Variants in APBA2 observed in about 807,000 individuals in gnomAD.
APBA2 encodes the protein amyloid beta precursor protein binding family A member 2.
A neutral mutation model predicts 75.0 loss-of-function variants in APBA2; 30 were observed. The ratio of observed to expected loss-of-function variants is 0.40; its 90% CI spans 0.30 to 0.54. The LOEUF (loss-of-function observed/expected upper bound fraction) is 0.54. APBA2 is among the 20% of genes least tolerant of loss of function. APBA2 has a pLI of 0.49. For missense variants in APBA2, 801 were observed against 1,016.1 expected, an observed-to-expected ratio of 0.79 and a Z score of 2.88; for synonymous variants, 444 against 409.6, an observed-to-expected ratio of 1.08 and a Z score of -1.01.
At chr15:28,927,187 C>T (rs1200386125) in intron 2 of APBA2, among the ~76,000 whole-genome samples, 2 of 151,948 alleles carry the variant, frequency 1.3e-5, no homozygotes, top group African/African-American at 2.4e-5. Context: ...TTACTGGTTT[C>T]TGATGAGAAG....
intron 1 of APBA2, among the ~76,000 whole-genome samples, chr15:28,896,955 G>A (rs1405819107): frequency 6.6e-6 from 1 of 152,046 alleles, no homozygotes; most frequent in Non-Finnish European, 1.5e-5. Flanking sequence ...TTCCAGGCTG[G>A]CATAGGCTTA....
chr15:28,891,963 A>G (rs140330013), intron 1 of APBA2, among the ~76,000 whole-genome samples: 150 of 152,326 alleles, frequency 9.8e-4, no homozygotes, highest in African/African-American at 3.4e-3. Flanking sequence ...TAAGTGTACA[A>G]TATTTATAAA....
intron 3 of APBA2, among the ~76,000 whole-genome samples, chr15:29,049,648 A>C (rs900947968): frequency 6.6e-6 from 1 of 152,216 alleles, no homozygotes; most frequent in Non-Finnish European, 1.5e-5. Flanking sequence ...GACTGCCTCC[A>C]GCTCACCATA....
At chr15:29,027,816 T>G (rs2040297672) in intron 3 of APBA2, among the ~76,000 whole-genome samples, 1 of 152,120 alleles carries the variant, frequency 6.6e-6, no homozygotes, top group African/African-American at 2.4e-5. Context: ...TTAGCCAGGA[T>G]GGTCTCGATC....
rs147360974 is a variant in APBA2, at chr15:28,955,799, C to T, written c.-95+34050C>T. ...GGGCCTTGGTGGGTTCCCTGAGGGT[C>T]GGGCCAAGGCCTTGGGCCAGGGAGC... On this transcript the variant is annotated intron_variant, in intron 2 of 14. Coordinates refer to ENST00000683413, the MANE Select transcript of APBA2 (RefSeq NM_001353788.2). Among the ~76,000 whole-genome samples, 756 of 152,310 alleles carry T rather than the reference C, an allele frequency of 5.0e-3. 9 individuals carry two copies. The highest frequency in any genetic ancestry group is 0.017 in the African/African-American group (687 of 41,568).
chr15:29,036,992 C>T (rs1270899674), intron 3 of APBA2, among the ~76,000 whole-genome samples: 1 of 151,346 alleles, frequency 6.6e-6, no homozygotes, highest in East Asian at 1.9e-4. Context: ...TCCACTCCAG[C>T]CTGGATAACA....
intron 3 of APBA2, among the ~76,000 whole-genome samples, chr15:29,013,984 C>T (rs983098852): frequency 2.6e-5 from 4 of 152,222 alleles, no homozygotes; most frequent in Non-Finnish European, 4.4e-5. Flanking sequence ...TTTACTGCTG[C>T]CATCCCTGAA....
At chr15:29,091,780 G>T (rs1047720532) in intron 6 of APBA2, among the ~76,000 whole-genome samples, 1 of 152,180 alleles carries the variant, frequency 6.6e-6, no homozygotes, top group African/African-American at 2.4e-5. Flanking sequence ...TGGGTTAGAG[G>T]TGAGACCAGG....
intron 2 of APBA2, among the ~76,000 whole-genome samples, chr15:28,974,604 A>G (rs2037238186): frequency 6.6e-6 from 1 of 152,254 alleles, no homozygotes; most frequent in African/African-American, 2.4e-5. Context: ...TCACAATGCA[A>G]TAAAACTAAA....
chr15:29,072,744 C>T (rs1048881897), intron 4 of APBA2, among the ~76,000 whole-genome samples: 2 of 152,088 alleles, frequency 1.3e-5, no homozygotes, highest in African/African-American at 2.4e-5. Context: ...GGCCTTTGGT[C>T]ATGCCAGGAC....
At chr15:29,094,370 G>T in intron 8 of APBA2, 57 bp downstream of exon 8, 1 of 1,567,472 alleles carries the variant, frequency 6.4e-7, no homozygotes, top group Non-Finnish European at 8.8e-7. Flanking sequence ...TCCGTGGCTT[G>T]TCCTGGGCAG....
chr15:28,920,328 G>A (rs921369218), intron 1 of APBA2, among the ~76,000 whole-genome samples: 4 of 152,238 alleles, frequency 2.6e-5, no homozygotes, highest in African/African-American at 9.6e-5. Flanking sequence ...ATGGCACAGG[G>A]ATTTGGGGTG....
At chr15:28,937,787 G>A (rs1363080481) in intron 2 of APBA2, among the ~76,000 whole-genome samples, 1 of 152,026 alleles carries the variant, frequency 6.6e-6, no homozygotes, top group African/African-American at 2.4e-5. Context: ...CTCCCGAGTA[G>A]CTGGGACTAC....
chr15:29,067,552 T>C (rs991484278), intron 4 of APBA2, among the ~76,000 whole-genome samples: 1 of 151,886 alleles, frequency 6.6e-6, no homozygotes, highest in Non-Finnish European at 1.5e-5. Flanking sequence ...TTGGCAGGAG[T>C]GGAAGGAACA....
At position 29,069,541 on chromosome 15, in the gene APBA2, T is replaced by G. The variant is rs139392220; in HGVS notation, c.952-5380T>G. Among the ~76,000 whole-genome samples, 306 of 152,378 alleles carry G rather than the reference T, an allele frequency of 2.0e-3. 1 individual carries two copies. The highest frequency in any genetic ancestry group is 6.4e-3 in the African/African-American group (265 of 41,596). ...AAGCAGCCCTGTCACCTTGATGGTT[T>G]GGTCTCTGGCCTCACCGCTTCAGCT... On this transcript the variant is annotated intron_variant, in intron 4 of 14. Transcript: ENST00000683413.
At chr15:29,044,116 G>T (rs1283490899) in intron 3 of APBA2, among the ~76,000 whole-genome samples, 2 of 152,196 alleles carry the variant, frequency 1.3e-5, no homozygotes, top group Non-Finnish European at 2.9e-5. Flanking sequence ...TTTCTCATTT[G>T]TATGATACGT....
chr15:29,094,665 A>G (rs1457631587), intron 8 of APBA2, among the ~76,000 whole-genome samples: 7 of 152,216 alleles, frequency 4.6e-5, no homozygotes, highest in Admixed American at 4.6e-4. Context: ...CCTGTGCAGT[A>G]TTACTGAATT....
Position 28,918,243 on chromosome 15 carries a change from G to A in APBA2, c.-204-3397G>A, listed in dbSNP as rs752148918. Among the ~76,000 whole-genome samples, 71 of 152,212 alleles carry A rather than the reference G, an allele frequency of 4.7e-4. No homozygotes were observed. Among genetic ancestry groups the A allele is most frequent in the Non-Finnish European group, 9.4e-4 (64 of 68,048 alleles). The stretch of plus-strand genomic sequence containing the variant: ...AAGCGTTCCTGGCGCCACGGAGCCG[G>A]TCAGTGACAGAGCCGGGTCTCAACC... On this transcript the variant is annotated intron_variant, in intron 1 of 14. Coordinates refer to ENST00000683413, the MANE Select transcript of APBA2 (RefSeq NM_001353788.2). The surrounding 1 kb of genome is among the most constrained non-coding windows in gnomAD (Gnocchi z 4.2).
At chr15:28,946,911 G>A (rs1490119743) in intron 2 of APBA2, among the ~76,000 whole-genome samples, 2 of 152,230 alleles carry the variant, frequency 1.3e-5, no homozygotes, top group Non-Finnish European at 2.9e-5. Context: ...AGAACTGTAA[G>A]AGAGCAAGTT....
Sources: allele counts gnomAD v4.1 joint callset (sites outside exome capture counted in the v4.1 genomes callset), GRCh38; gene constraint gnomAD v4.1.1; non-coding constraint Gnocchi (gnomAD v3.1); transcripts MANE v1.5; gene names NCBI Gene and HGNC (gene_info 2026-07-23, HGNC 2026-07-21).